The following GPM6A variants were observed in gnomAD, a reference collection of about 807,000 sequenced individuals.
The protein encoded by GPM6A is glycoprotein M6A, also known as neuronal membrane glycoprotein M6-a.
GPM6A carries 7 observed loss-of-function variants against 32.1 expected under a neutral mutation model. The ratio of observed to expected loss-of-function variants is 0.22; its 90% CI spans 0.12 to 0.41. The LOEUF (loss-of-function observed/expected upper bound fraction) is 0.41. Ranked by LOEUF, GPM6A falls within the 10% of genes least tolerant of loss-of-function variation. GPM6A has a pLI of 1.00. For missense variants in GPM6A, 235 were observed against 347.2 expected (o/e 0.68, Z 2.57); for synonymous variants, 130 against 123.4 (o/e 1.05, Z -0.35).
intron 1 of GPM6A, among the ~76,000 whole-genome samples, chr4:175,971,232 C>A (rs1740491966): frequency 6.6e-6 from 1 of 150,466 alleles, no homozygotes; most frequent in Admixed American, 6.6e-5. Flanking sequence ...TGCTGCGCTC[C>A]TGGGAAACCT....
At chr4:175,793,392 T>C (rs564261477) in intron 1 of GPM6A, among the ~76,000 whole-genome samples, 1 of 118,152 alleles carries the variant, frequency 8.5e-6, no homozygotes, top group African/African-American at 3.2e-5. Context: ...ATTTATTTAT[T>C]TAGAGATGGT....
At chr4:175,804,405 G>A (rs1734598794) in intron 1 of GPM6A, among the ~76,000 whole-genome samples, 1 of 152,046 alleles carries the variant, frequency 6.6e-6, no homozygotes, top group Admixed American at 6.5e-5. Flanking sequence ...ACCTCATTTT[G>A]TTACATGACA....
chr4:175,943,827 T>A (rs1052717981), intron 1 of GPM6A, among the ~76,000 whole-genome samples: 2 of 152,194 alleles, frequency 1.3e-5, no homozygotes, highest in Non-Finnish European at 2.9e-5. Context: ...TCAGGGATAT[T>A]GGCCTGAGAT....
chr4:175,793,870 A>T (rs147758940), intron 1 of GPM6A, among the ~76,000 whole-genome samples: 14 of 152,314 alleles, frequency 9.2e-5, no homozygotes, highest in African/African-American at 2.9e-4. Context: ...TTTTTATGAT[A>T]TTGTCAATTC....
At chr4:175,796,733 T>C (rs898249141) in intron 1 of GPM6A, among the ~76,000 whole-genome samples, 2 of 152,156 alleles carry the variant, frequency 1.3e-5, no homozygotes, top group Non-Finnish European at 2.9e-5. Context: ...CTGGAAGAAG[T>C]TGTGAAGTTT....
intron 1 of GPM6A, among the ~76,000 whole-genome samples, chr4:175,996,248 T>C (rs1207981916): frequency 6.6e-6 from 1 of 152,164 alleles, no homozygotes; most frequent in Non-Finnish European, 1.5e-5. Flanking sequence ...AAAGTATTAA[T>C]AATAAAAGGA....
intron 1 of GPM6A, among the ~76,000 whole-genome samples, chr4:175,824,923 A>G (rs1735387336): frequency 6.6e-6 from 1 of 152,208 alleles, no homozygotes; most frequent in South Asian, 2.1e-4. Context: ...CAATACATTA[A>G]ATGACTCAGT....
rs368781575 is a variant in GPM6A at position 175,947,956 on chromosome 4, T to A, written c.-23+54353A>T. 5.3e-5 allele frequency among the ~76,000 whole-genome samples: 8 copies of A among 152,264 alleles called. No homozygotes were observed. In the East Asian group the frequency reaches 9.6e-4, roughly 18 times the overall value. On this transcript the variant is annotated intron_variant, in intron 1 of 7. Transcript: ENST00000280187. ...ATGCATTCATATATGAATAAAAAGATGAATGAAGGAACAAAGCCCTACTTT... is the reference window on the plus strand; with the variant it reads ...ATGCATTCATATATGAATAAAAAGAAGAATGAAGGAACAAAGCCCTACTTT...
intron 1 of GPM6A, among the ~76,000 whole-genome samples, chr4:175,714,750 T>A (rs959819630): frequency 1.3e-5 from 2 of 152,302 alleles, no homozygotes; most frequent in Non-Finnish European, 2.9e-5. Flanking sequence ...TTATTAAGAT[T>A]AATATTTAAC....
At chr4:175,834,226 G>A (rs1373893638) in intron 1 of GPM6A, among the ~76,000 whole-genome samples, 1 of 152,144 alleles carries the variant, frequency 6.6e-6, no homozygotes, top group African/African-American at 2.4e-5. Context: ...GCTATAGAAT[G>A]TCCCTACGCC....
chr4:175,637,335 TATATATTATATAAAAA>T lies in GPM6A; in HGVS notation c.685-2294_685-2279del, dbSNP rs1740765231. ...ATAATATAAAATATATATTATATAT[TATATATTATATAAAAA>T]TATATAATATATAACATATAATATA... is the stretch of plus-strand genomic sequence containing the variant. On this transcript the variant is annotated intron_variant, in intron 6 of 6. Transcript: ENST00000393658. Among the ~76,000 whole-genome samples the T allele has an allele frequency of 8.2e-5, 6 of 73,498 alleles. 1 individual carries two copies. The highest frequency in any genetic ancestry group is 0.019 in the Middle Eastern group (2 of 108). The allele number at this position is 73,498 out of a possible 152,430, so 48.2% of individuals were successfully genotyped here. A position where few individuals can be genotyped will look rare whatever the true frequency, so the allele number is the denominator to read the frequency against.
At chr4:175,701,518 C>T (rs1744878766) in intron 2 of GPM6A, 57 bp downstream of exon 2, 9 of 1,259,394 alleles carry the variant, frequency 7.1e-6, no homozygotes, top group Non-Finnish European at 1.0e-5. Context: ...AATCATTTAA[C>T]ACATAGAAGT....
chr4:175,922,771 C>A (rs1738709866), intron 1 of GPM6A, among the ~76,000 whole-genome samples: 1 of 152,106 alleles, frequency 6.6e-6, no homozygotes, highest in Non-Finnish European at 1.5e-5. Flanking sequence ...AAAACTCTGA[C>A]AAACTCTAAA....
At chr4:175,752,669 C>G (rs948435540) in intron 1 of GPM6A, among the ~76,000 whole-genome samples, 1 of 152,116 alleles carries the variant, frequency 6.6e-6, no homozygotes, top group African/African-American at 2.4e-5. Context: ...AGCAAACCAG[C>G]CTTTATTTCT....
At chr4:175,966,328 T>C (rs191171809) in intron 1 of GPM6A, among the ~76,000 whole-genome samples, 2 of 151,868 alleles carry the variant, frequency 1.3e-5, no homozygotes, top group Admixed American at 6.6e-5. Context: ...CTTGAGCCCA[T>C]GAGGTGAAGG....
chr4:175,945,380 G>A (rs766220803), intron 1 of GPM6A, among the ~76,000 whole-genome samples: 7 of 152,010 alleles, frequency 4.6e-5, no homozygotes, highest in Non-Finnish European at 1.0e-4. Flanking sequence ...ATAAAGAATT[G>A]TAAAACTTTT....
intron 1 of GPM6A, among the ~76,000 whole-genome samples, chr4:175,977,555 C>T (rs375378159): frequency 6.6e-6 from 1 of 152,240 alleles, no homozygotes; most frequent in South Asian, 2.1e-4. Flanking sequence ...AATAGTAATA[C>T]ATTATTTGAT....
chr4:175,662,321 CA>C (rs1742471685), intron 3 of GPM6A, among the ~76,000 whole-genome samples: 1 of 152,078 alleles, frequency 6.6e-6, no homozygotes, highest in Non-Finnish European at 1.5e-5. Context: ...TTAGCTAGGC[CA>C]GGCTCGGTGG....
At chr4:175,706,012 G>A (rs1309564952) in intron 1 of GPM6A, among the ~76,000 whole-genome samples, 1 of 152,022 alleles carries the variant, frequency 6.6e-6, no homozygotes, top group Non-Finnish European at 1.5e-5. Context: ...TCCATTTTCT[G>A]GTTATACTTT....
Sources: allele counts gnomAD v4.1 joint callset (sites outside exome capture counted in the v4.1 genomes callset), GRCh38; gene constraint gnomAD v4.1.1; transcripts MANE v1.5; gene names NCBI Gene and HGNC (gene_info 2026-07-23, HGNC 2026-07-21).